The following CASZ1 variants were observed in gnomAD, a reference collection of about 807,000 sequenced individuals.
The protein encoded by CASZ1 is zinc finger protein castor homolog 1.
In CASZ1, 28 loss-of-function variants were observed where a neutral mutation model predicts 135.2. That is an observed-to-expected ratio of 0.21 (90% CI 0.15 to 0.28). The LOEUF (loss-of-function observed/expected upper bound fraction) is 0.28, where lower values mean the gene tolerates loss of function less well. CASZ1 is among the 10% of genes least tolerant of loss of function. CASZ1 has a pLI of 1.00. For synonymous variants in CASZ1, 1,068 were observed against 1,073.4 expected (o/e 0.99, Z 0.10); for missense variants, 2,161 against 2,453.3 (o/e 0.88, Z 2.52).
At position 10,647,321 on chromosome 1, in the gene CASZ1, C is replaced by T; in HGVS notation, c.3497+480G>A. On this transcript the variant is annotated intron_variant, in intron 16 of 20. Coordinates refer to ENST00000377022, the MANE Select transcript of CASZ1 (RefSeq NM_001079843.3). This position sits in a 1 kb window ranked among gnomAD's most constrained non-coding sequence, Gnocchi z 4.9. The stretch of plus-strand genomic sequence containing the variant: ...CCACCACCATCCAGTGAGGAGGGTC[C>T]CTTCCACCCAAGAGCTCAGACCACT... 9.9e-7 allele frequency: 1 copy of T among 1,005,682 alleles called. No individual in the cohort carries two copies. Among genetic ancestry groups the T allele is most frequent in the Non-Finnish European group, 1.2e-6 (1 of 841,334 alleles). 62.3% of individuals were successfully genotyped at this position (1,005,682 alleles called of 1,614,324 possible).
chr1:10,704,664 G>A (rs984753007), intron 3 of CASZ1: 1 of 152,310 alleles, frequency 6.6e-6, no homozygotes, highest in Non-Finnish European at 1.5e-5. Flanking sequence ...TTTGGAGCCA[G>A]GCGCACGGTG....
At chr1:10,663,173 G>A (rs1198923433) in intron 5 of CASZ1, among the ~76,000 whole-genome samples, 6 of 152,232 alleles carry the variant, frequency 3.9e-5, no homozygotes, top group Non-Finnish European at 4.4e-5. Flanking sequence ...AAGGGAAGGC[G>A]TGGCTGGGGG....
chr1:10,654,607 T>G lies in CASZ1; in HGVS notation c.1666-16A>C. ...TACAGCCCACCTGCACAGGACGGGA[T>G]GGTGGTCAGGCGAACGGAGGCCAGG... On this transcript the variant is annotated splice_polypyrimidine_tract_variant and intron_variant, in intron 9 of 20. Coordinates refer to ENST00000377022, the MANE Select transcript of CASZ1 (RefSeq NM_001079843.3). The G allele has an allele frequency of 6.2e-7, 1 of 1,611,016 alleles. No homozygotes were observed. The highest frequency in any genetic ancestry group is 8.5e-7 in the Non-Finnish European group (1 of 1,177,636).
intron 2 of CASZ1, among the ~76,000 whole-genome samples, chr1:10,751,628 G>A (rs527724226): frequency 3.8e-4 from 58 of 152,158 alleles, no homozygotes; most frequent in Non-Finnish European, 6.0e-4. Flanking sequence ...CTCGAGAAAC[G>A]GGGCCAAACC....
At chr1:10,780,195 C>T (rs563166785) in intron 1 of CASZ1, among the ~76,000 whole-genome samples, 5 of 152,332 alleles carry the variant, frequency 3.3e-5, no homozygotes, top group African/African-American at 1.2e-4. Flanking sequence ...AAGCACTTAG[C>T]AAAGACTGTC....
rs1357102241 is a variant in CASZ1, at chr1:10,707,109, C to T, written c.-76-1565G>A. Reference sequence around the variant, plus strand: ...GGCCCTGGCTGGGGTGTCATCTTCACTGTCCCGTCCGTCCCACACACTCCT... The same window carrying T: ...GGCCCTGGCTGGGGTGTCATCTTCATTGTCCCGTCCGTCCCACACACTCCT... On this transcript the variant is annotated intron_variant, in intron 2 of 20. Coordinates refer to ENST00000377022, the MANE Select transcript of CASZ1 (RefSeq NM_001079843.3). This position sits in a 1 kb window ranked among gnomAD's most constrained non-coding sequence, Gnocchi z 5.0. Among the ~76,000 whole-genome samples the T allele has an allele frequency of 6.6e-6, 1 of 152,026 alleles. No homozygotes were observed. Among genetic ancestry groups the T allele is most frequent in the Non-Finnish European group, 1.5e-5 (1 of 67,982 alleles).
intron 4 of CASZ1, among the ~76,000 whole-genome samples, chr1:10,685,890 G>A (rs1238482571): frequency 6.6e-6 from 1 of 152,250 alleles, no homozygotes; most frequent in Non-Finnish European, 1.5e-5. Context: ...ACGTGCCCCT[G>A]GACTCAGAGG....
At chr1:10,760,501 C>A (rs1032375687) in intron 2 of CASZ1, among the ~76,000 whole-genome samples, 200 bp downstream of exon 2, 1 of 152,238 alleles carries the variant, frequency 6.6e-6, no homozygotes, top group Non-Finnish European at 1.5e-5. Flanking sequence ...AATGCAGGTG[C>A]CCTGCTCCCA....
intron 2 of CASZ1, among the ~76,000 whole-genome samples, chr1:10,708,970 G>GA (rs1639229238): frequency 1.0e-5 from 1 of 97,420 alleles, no homozygotes; most frequent in South Asian, 4.2e-4. Flanking sequence ...GGAGGACGGG[G>GA]AGGGGGGGGG....
rs1188813085 is a variant in CASZ1, at chr1:10,727,201, C to T, written c.-76-21657G>A. ...GCCAGGGGTAGGGAGAGGCCCGCGA[C>T]CGTCCCAGGCCTGTGGGAAGCTGGG... On this transcript the variant is annotated intron_variant, in intron 2 of 20. Transcript: ENST00000377022. This position sits in a 1 kb window ranked among gnomAD's most constrained non-coding sequence, Gnocchi z 5.3. 6.6e-6 allele frequency among the ~76,000 whole-genome samples: 1 copy of T among 151,988 alleles called. No homozygotes were observed. The highest frequency in any genetic ancestry group is 1.5e-5 in the Non-Finnish European group (1 of 67,976).
chr1:10,714,911 C>G (rs1209958752), intron 2 of CASZ1, among the ~76,000 whole-genome samples: 1 of 152,190 alleles, frequency 6.6e-6, no homozygotes, highest in Non-Finnish European at 1.5e-5. Context: ...ATTGGCCCTC[C>G]CCAAGCAGCC....
intron 4 of CASZ1, among the ~76,000 whole-genome samples, chr1:10,685,618 C>T (rs1360577145): frequency 4.6e-5 from 7 of 152,256 alleles, no homozygotes; most frequent in African/African-American, 1.7e-4. Flanking sequence ...AACCCGGGAG[C>T]CCTCAGAGTG....
In CASZ1 at chr1:10,665,142, T is replaced by A; in HGVS notation, c.446A>T (p.Lys149Met). 1 of 1,531,666 alleles carries A rather than the reference T, an allele frequency of 6.5e-7. No individual in the cohort carries two copies. Among genetic ancestry groups the A allele is most frequent in the Non-Finnish European group, 8.8e-7 (1 of 1,137,806 alleles). 94.9% of individuals were successfully genotyped at this position (1,531,666 alleles called of 1,614,324 possible). A position where few individuals can be genotyped will look rare whatever the true frequency, so the allele number is the denominator to read the frequency against. ...PSKDGGALEE[K>M]DSDGAASKED... ...CTTGGAGGCTGCCCCGTCCGAATCC[T>A]TCTCCTCCAGGGCACCGCCGTCCTT... The change falls in exon 5 of 21, where the codon AAG (lysine) becomes ATG (methionine). Residue 149 changes from lysine to methionine, a missense_variant. Physicochemically the swap from Lys to Met is moderately conservative, Grantham distance 95. This residue lies in a region of CASZ1 where 590 missense variants were observed against 609.8 expected (regional missense o/e 0.97). Transcript: ENST00000377022.
At chr1:10,642,549 G>A (rs931856657) in intron 20 of CASZ1, among the ~76,000 whole-genome samples, 6 of 152,110 alleles carry the variant, frequency 3.9e-5, no homozygotes, top group Non-Finnish European at 2.9e-5. Flanking sequence ...CAGGACCGGC[G>A]CTGGGCCCAG....
chr1:10,782,143 G>A (rs1640773957), intron 1 of CASZ1, among the ~76,000 whole-genome samples: 1 of 152,260 alleles, frequency 6.6e-6, no homozygotes, highest in Non-Finnish European at 1.5e-5. Flanking sequence ...TCAGGCTAAA[G>A]AGTTGCTATG....
intron 9 of CASZ1, 40 bp downstream of exon 9, chr1:10,655,609 A>G: frequency 6.3e-7 from 1 of 1,577,776 alleles, no homozygotes; most frequent in Non-Finnish European, 8.6e-7. Context: ...GGCCTGGGCC[A>G]GTCCTGCAGC....
In CASZ1 at chr1:10,720,076, C is replaced by A. The variant is rs1639468708; in HGVS notation, c.-76-14532G>T. ...GCCCAGAGGCCCTGTGGCCTGGCCA[C>A]AGAGAGCTTGGATCCGGCTGCAAGT... On this transcript the variant is annotated intron_variant, in intron 2 of 20. Transcript: ENST00000377022. The surrounding 1 kb of genome is among the most constrained non-coding windows in gnomAD (Gnocchi z 5.7). Among the ~76,000 whole-genome samples, 2 of 152,226 alleles carry A rather than the reference C, an allele frequency of 1.3e-5. No homozygotes were observed. Among genetic ancestry groups the A allele is most frequent in the African/African-American group, 4.8e-5 (2 of 41,456 alleles).
chr1:10,766,742 T>C (rs1244073386), intron 1 of CASZ1, among the ~76,000 whole-genome samples: 3 of 152,348 alleles, frequency 2.0e-5, no homozygotes, highest in East Asian at 1.9e-4. Flanking sequence ...TTATTAAGCA[T>C]TGTGGGCTCA....
Position 10,638,919 on chromosome 1 carries a change from G to A in CASZ1, c.*23C>T. On this transcript the variant is annotated 3_prime_UTR_variant, in exon 21 of 21. Coordinates refer to ENST00000377022, the MANE Select transcript of CASZ1 (RefSeq NM_001079843.3). This position sits in a 1 kb window ranked among gnomAD's most constrained non-coding sequence, Gnocchi z 5.9. ...TCCCGAGGCCGAGGCCGAGGCCGCC[G>A]CCAGGGCCACCCGCGGGCGCCGCTA... 1.0e-6 allele frequency: 1 copy of A among 981,066 alleles called. No individual in the cohort carries two copies. Among genetic ancestry groups the A allele is most frequent in the Non-Finnish European group, 1.2e-6 (1 of 828,318 alleles). 60.8% of individuals were successfully genotyped at this position (981,066 alleles called of 1,614,324 possible). A position where few individuals can be genotyped will look rare whatever the true frequency, so the allele number is the denominator to read the frequency against.
Sources: allele counts gnomAD v4.1 joint callset (sites outside exome capture counted in the v4.1 genomes callset), GRCh38; gene constraint gnomAD v4.1.1; regional missense constraint gnomAD v4.1.1; non-coding constraint Gnocchi (gnomAD v3.1); transcripts MANE v1.5; gene names NCBI Gene and HGNC (gene_info 2026-07-23, HGNC 2026-07-21).